TGFA: variants seen among roughly 807,000 people sequenced by gnomAD.
TGFA encodes protransforming growth factor alpha.
In TGFA, 12 loss-of-function variants were observed where a neutral mutation model predicts 21.7. The observed-to-expected ratio is 0.55, with a 90% confidence interval of 0.35 to 0.90. TGFA has a LOEUF of 0.90. Ranked by LOEUF, TGFA falls within the 40% of genes least tolerant of loss-of-function variation. The probability of loss-of-function intolerance (pLI) is 0.01; values close to 1 mark genes in which losing one functional copy is unlikely to be tolerated. For missense variants in TGFA, 178 were observed against 210.8 expected (o/e 0.84, Z 0.96); for synonymous variants, 79 against 88.1 (o/e 0.90, Z 0.58).
At chr2:70,537,721 C>T (rs1413305516) in intron 1 of TGFA, among the ~76,000 whole-genome samples, 2 of 152,186 alleles carry the variant, frequency 1.3e-5, no homozygotes, top group Non-Finnish European at 2.9e-5. Context: ...CTAGCAGAGG[C>T]TGGTTCAAGA....
At chr2:70,514,668 C>T (rs1672212252) in intron 2 of TGFA, among the ~76,000 whole-genome samples, 191 bp downstream of exon 2, 1 of 152,076 alleles carries the variant, frequency 6.6e-6, no homozygotes, top group Admixed American at 6.5e-5. Context: ...AGGAACAGCC[C>T]CCCCTTGGGC....
intron 2 of TGFA, among the ~76,000 whole-genome samples, chr2:70,478,910 GTTTA>G (rs1671021638): frequency 6.6e-6 from 1 of 151,964 alleles, no homozygotes; most frequent in Admixed American, 6.6e-5. Context: ...AAAAAATTTA[GTTTA>G]TTTTCTCAAT....
intron 2 of TGFA, among the ~76,000 whole-genome samples, chr2:70,498,762 C>G (rs1393004358): frequency 6.6e-6 from 1 of 152,030 alleles, no homozygotes; most frequent in Non-Finnish European, 1.5e-5. Context: ...AGTATTTGTT[C>G]TATATTATAG....
chr2:70,470,413 T>C (rs915810133), intron 2 of TGFA, among the ~76,000 whole-genome samples: 9 of 152,180 alleles, frequency 5.9e-5, no homozygotes, highest in Non-Finnish European at 7.3e-5. Flanking sequence ...GATAGGAATA[T>C]ATATACTTGT....
chr2:70,487,964 G>A (rs1384358630), intron 2 of TGFA, among the ~76,000 whole-genome samples: 5 of 152,092 alleles, frequency 3.3e-5, no homozygotes, highest in East Asian at 1.9e-4. Context: ...CTTCATAACC[G>A]TTCCAATGCT....
chr2:70,456,332 T>A lies in TGFA; in HGVS notation c.365+7A>T. The A allele has an allele frequency of 6.5e-7, 1 of 1,548,528 alleles. No individual in the cohort carries two copies. Among genetic ancestry groups the A allele is most frequent in the Non-Finnish European group, 8.7e-7 (1 of 1,143,628 alleles). On this transcript the variant is annotated splice_region_variant and intron_variant, in intron 4 of 5. Transcript: ENST00000295400. ...GGGACCTGGCCTTAGGGGCAGCAAG[T>A]ACTCACTGTATCAGCACACATGTGA...
intron 1 of TGFA, among the ~76,000 whole-genome samples, chr2:70,536,998 CTT>C (rs35098749): frequency 4.8e-4 from 65 of 136,754 alleles, no homozygotes; most frequent in Middle Eastern, 7.1e-3. Context: ...TTTTCTTTTT[CTT>C]TTTTTTTTTT....
intron 1 of TGFA, among the ~76,000 whole-genome samples, chr2:70,535,218 A>G (rs370050): frequency 0.15 from 20,558 of 132,722 alleles, 1,520 homozygotes; most frequent in Middle Eastern, 0.23. Flanking sequence ...GAAGGTGCCC[A>G]AGGTGTCCAC....
intron 2 of TGFA, among the ~76,000 whole-genome samples, chr2:70,490,999 A>G (rs1232558357): frequency 6.6e-6 from 1 of 152,206 alleles, no homozygotes; most frequent in Non-Finnish European, 1.5e-5. Flanking sequence ...TATATAGGAT[A>G]TCACGATATT....
Position 70,514,757 on chromosome 2 carries a change from C to T in TGFA, c.94+102G>A, listed in dbSNP as rs529361244. 4,054 of 1,256,272 alleles carry T rather than the reference C, an allele frequency of 3.2e-3. 9 individuals are homozygous for T. Among genetic ancestry groups the T allele is most frequent in the Non-Finnish European group, 4.2e-3 (3,679 of 879,940 alleles). 77.8% of individuals were successfully genotyped at this position (1,256,272 alleles called of 1,614,324 possible). A position where few individuals can be genotyped will look rare whatever the true frequency, so the allele number is the denominator to read the frequency against. ...GAGGACTCCGGGACAGGCGTGTGCT[C>T]GGTGGGCAGGAGGCCAGGGAGGGAG... On this transcript the variant is annotated intron_variant, in intron 2 of 5. Coordinates refer to ENST00000295400, the MANE Select transcript of TGFA (RefSeq NM_003236.4).
chr2:70,552,976 A>G (rs1173725505), intron 1 of TGFA, among the ~76,000 whole-genome samples: 1 of 152,036 alleles, frequency 6.6e-6, no homozygotes, highest in Non-Finnish European at 1.5e-5. Context: ...CCGCCAAAAA[A>G]CGCACCGCTC....
intron 2 of TGFA, among the ~76,000 whole-genome samples, chr2:70,481,467 C>T (rs1263073059): frequency 1.3e-5 from 2 of 152,120 alleles, no homozygotes; most frequent in African/African-American, 2.4e-5. Context: ...AATAAGTCTC[C>T]CTCTTCTATA....
chr2:70,456,230 T>A (rs1377389041), intron 4 of TGFA, 109 bp downstream of exon 4: 1 of 1,370,398 alleles, frequency 7.3e-7, no homozygotes, highest in Non-Finnish European at 9.8e-7. Flanking sequence ...CACTCAGACA[T>A]CCCAGAAATA....
At chr2:70,526,750 T>C (rs374640) in intron 1 of TGFA, among the ~76,000 whole-genome samples, 50,577 of 151,748 alleles carry the variant, frequency 0.33, 10,990 homozygotes, top group African/African-American at 0.62. Flanking sequence ...GGGGAAAGGG[T>C]GGTGATGAGA....
Position 70,456,354 on chromosome 2 carries a change from GTGA to G in TGFA, c.347_349del (p.Ile116del). 1 of 1,559,826 alleles carries G rather than the reference GTGA, an allele frequency of 6.4e-7. No homozygotes were observed. The highest frequency in any genetic ancestry group is 1.2e-5 in the South Asian group (1 of 84,486). Reference sequence around the variant, plus strand: ...AAGTACTCACTGTATCAGCACACATGTGATGATAAGGACAGCCAGGGCCACGAT... The same window carrying G: ...AAGTACTCACTGTATCAGCACACATGTGATAAGGACAGCCAGGGCCACGAT... On this transcript the variant is annotated inframe_deletion, in exon 4 of 6. Transcript: ENST00000295400.
intron 1 of TGFA, among the ~76,000 whole-genome samples, chr2:70,537,018 T>A (rs1672991038): frequency 6.7e-6 from 1 of 149,316 alleles, no homozygotes; most frequent in African/African-American, 2.4e-5. Context: ...TTTTTACAAA[T>A]TTAAAGTTTG....
chr2:70,471,108 C>T (rs1454280650), intron 2 of TGFA, among the ~76,000 whole-genome samples: 3 of 132,844 alleles, frequency 2.3e-5, no homozygotes, highest in Admixed American at 8.1e-5. Flanking sequence ...CTCCTCCCCG[C>T]ACCCCCCCCA....
intron 1 of TGFA, among the ~76,000 whole-genome samples, chr2:70,550,187 G>T (rs186829687): frequency 1.3e-5 from 2 of 152,202 alleles, no homozygotes; most frequent in Non-Finnish European, 2.9e-5. Context: ...CCTTACTTAC[G>T]GGAGTTGCCA....
intron 2 of TGFA, among the ~76,000 whole-genome samples, chr2:70,474,969 CGTGTGTGTGTGTGT>C (rs57147767): frequency 2.7e-5 from 4 of 147,590 alleles, no homozygotes; most frequent in Middle Eastern, 3.2e-3. Flanking sequence ...ACACAGCAGC[CGTGTGTGTGTGTGT>C]GTGTGTGTGT....
Sources: allele counts gnomAD v4.1 joint callset (sites outside exome capture counted in the v4.1 genomes callset), GRCh38; gene constraint gnomAD v4.1.1; transcripts MANE v1.5; gene names NCBI Gene and HGNC (gene_info 2026-07-23, HGNC 2026-07-21).